The following LARP1B variants were observed in gnomAD, a reference collection of about 807,000 sequenced individuals.
LARP1B encodes La ribonucleoprotein 1B.
In LARP1B, 76 loss-of-function variants were observed where a neutral mutation model predicts 114.2. That is an observed-to-expected ratio of 0.67 (90% CI 0.55 to 0.81). The LOEUF (loss-of-function observed/expected upper bound fraction) is 0.81, where lower values mean the gene tolerates loss of function less well. Ranked by LOEUF, LARP1B falls within the 30% of genes least tolerant of loss-of-function variation. LARP1B has a pLI of 0.00. For missense variants in LARP1B, 1,014 were observed against 1,075.8 expected, an observed-to-expected ratio of 0.94 and a Z score of 0.80; for synonymous variants, 345 against 348.0, an observed-to-expected ratio of 0.99 and a Z score of 0.10.
chr4:128,191,687 AAG>A (rs747141722), intron 15 of LARP1B, among the ~76,000 whole-genome samples: 32 of 152,128 alleles, frequency 2.1e-4, no homozygotes, highest in Admixed American at 3.9e-4. Flanking sequence ...GGCTGAAATA[AAG>A]AGGAGAATTT....
chr4:128,194,079 A>G (rs537170155), intron 15 of LARP1B, among the ~76,000 whole-genome samples: 9 of 151,546 alleles, frequency 5.9e-5, no homozygotes, highest in Admixed American at 3.3e-4. Flanking sequence ...CTGTTTGACT[A>G]TTTATTTATT....
chr4:128,079,092 C>CTTTT (rs75874776), intron 4 of LARP1B, among the ~76,000 whole-genome samples: 33 of 142,280 alleles, frequency 2.3e-4, no homozygotes, highest in African/African-American at 6.7e-4. Context: ...AATAGTTTGT[C>CTTTT]TTTTTTTTTT....
chr4:128,185,634 G>A (rs1750079617), intron 15 of LARP1B, among the ~76,000 whole-genome samples: 1 of 151,700 alleles, frequency 6.6e-6, no homozygotes, highest in South Asian at 2.1e-4. Flanking sequence ...TATTCTGTAG[G>A]TTGTCTCTTC....
chr4:128,172,641 C>G (rs1744247787), intron 12 of LARP1B, among the ~76,000 whole-genome samples: 1 of 151,608 alleles, frequency 6.6e-6, no homozygotes, highest in Non-Finnish European at 1.5e-5. Context: ...TGCGGTGAGC[C>G]AAGATCAAAC....
At chr4:128,133,627 C>T (rs1792251245) in intron 11 of LARP1B, among the ~76,000 whole-genome samples, 1 of 152,208 alleles carries the variant, frequency 6.6e-6, no homozygotes, top group South Asian at 2.1e-4. Context: ...GTGGTACTGT[C>T]ATAAAGACAG....
chr4:128,069,632 G>T, intron 1 of LARP1B: 1 of 633,790 alleles, frequency 1.6e-6, no homozygotes. Context: ...CCTGATGGCT[G>T]CTGCTAGACA....
chr4:128,176,143 TTTATA>T (rs999771928), intron 12 of LARP1B, among the ~76,000 whole-genome samples: 14 of 139,090 alleles, frequency 1.0e-4, no homozygotes, highest in African/African-American at 3.7e-4. Context: ...TGTATATATA[TTTATA>T]TTATATATAT....
intron 8 of LARP1B, among the ~76,000 whole-genome samples, chr4:128,100,336 G>C (rs979689916): frequency 2.0e-5 from 3 of 151,402 alleles, no homozygotes; most frequent in Non-Finnish European, 4.4e-5. Context: ...GTTCTGGTGC[G>C]ATCTTGGCTC....
intron 15 of LARP1B, among the ~76,000 whole-genome samples, chr4:128,187,124 G>A (rs1410333014): frequency 6.6e-6 from 1 of 152,234 alleles, no homozygotes; most frequent in Non-Finnish European, 1.5e-5. Flanking sequence ...GAAATGTGGG[G>A]TTGGATCCCT....
rs1162056299 is a variant in LARP1B at position 128,074,982 on chromosome 4, G to A, written c.31G>A (p.Val11Met). The A allele has an allele frequency of 3.7e-6, 6 of 1,605,114 alleles. No homozygotes were observed. In the East Asian group the frequency reaches 1.3e-4, roughly 36 times the overall value. The change falls in exon 3 of 20, where the codon GTG (valine) becomes ATG (methionine). Residue 11 changes from valine (V) to methionine (M), a missense_variant. By Grantham distance (21) the Val-to-Met change is conservative. Transcript: ENST00000326639. MENWPTPSEL[V>M]NTGFQSVLSQ... ...GAATTGGCCAACACCAAGTGAATTA[G>A]TGAACACTGGAGTGAGTATTGTTTT...
At chr4:128,184,884 C>T (rs759904719) in intron 15 of LARP1B, among the ~76,000 whole-genome samples, 1 of 152,082 alleles carries the variant, frequency 6.6e-6, no homozygotes, top group Non-Finnish European at 1.5e-5. Flanking sequence ...TAATGACTTC[C>T]AGTTCTATGT....
At chr4:128,135,311 G>A (rs79742355) in intron 11 of LARP1B, among the ~76,000 whole-genome samples, 2 of 151,930 alleles carry the variant, frequency 1.3e-5, no homozygotes, top group African/African-American at 2.4e-5. Context: ...AGACCCTTGC[G>A]AACTCTCATG....
chr4:128,128,006 G>C (rs551524465), intron 11 of LARP1B, among the ~76,000 whole-genome samples: 1 of 152,286 alleles, frequency 6.6e-6, no homozygotes, highest in Non-Finnish European at 1.5e-5. Context: ...TGCAACAAAT[G>C]TGCCTAGACC....
rs1391584302 is a variant in LARP1B, at chr4:128,210,259, T to G, written c.*206T>G. 5 of 1,385,896 alleles carry G rather than the reference T, an allele frequency of 3.6e-6. No individual in the cohort carries two copies. The African/African-American group carries it at 5.8e-5, about 16-fold the overall frequency. The allele number at this position is 1,385,896 out of a possible 1,614,324, so 85.8% of individuals were successfully genotyped here. On this transcript the variant is annotated 3_prime_UTR_variant, in exon 20 of 20. Coordinates refer to ENST00000326639, the MANE Select transcript of LARP1B (RefSeq NM_018078.4). ...TCTAACAAGATAAATTCTAAAAATGTTTTCCCTGATTTCACAAACAAGGAT... is the reference window on the plus strand; with the variant it reads ...TCTAACAAGATAAATTCTAAAAATGGTTTCCCTGATTTCACAAACAAGGAT...
At chr4:128,103,784 A>T (rs1432085763) in intron 8 of LARP1B, among the ~76,000 whole-genome samples, 2 of 151,462 alleles carry the variant, frequency 1.3e-5, no homozygotes, top group Non-Finnish European at 2.9e-5. Context: ...CTGGTCTGGA[A>T]CTCCTGACCT....
intron 11 of LARP1B, among the ~76,000 whole-genome samples, chr4:128,141,275 G>A (rs1483694101): frequency 6.6e-6 from 1 of 152,052 alleles, no homozygotes; most frequent in Non-Finnish European, 1.5e-5. Flanking sequence ...CTTATCATTG[G>A]TATCATTGGC....
chr4:128,155,814 T>C, intron 11 of LARP1B: 2 of 1,587,780 alleles, frequency 1.3e-6, no homozygotes, highest in Non-Finnish European at 1.7e-6. Context: ...AACTGGAAGA[T>C]GAGAAATCAG....
rs1766517165 is a variant in LARP1B, at chr4:128,073,591, T to TTTTTTTTTTTTTTTTTTTTTTTTTTG, written c.-77-851_-77-850insTTTTTTTGTTTTTTTTTTTTTTTTTT. 1.4e-4 allele frequency among the ~76,000 whole-genome samples: 4 copies of TTTTTTTTTTTTTTTTTTTTTTTTTTG among 27,916 alleles called. 1 individual carries two copies. Among genetic ancestry groups the TTTTTTTTTTTTTTTTTTTTTTTTTTG allele is most frequent in the South Asian group, 2.1e-3 (1 of 480 alleles). 18.3% of individuals were successfully genotyped at this position (27,916 alleles called of 152,430 possible). A position where few individuals can be genotyped will look rare whatever the true frequency, so the allele number is the denominator to read the frequency against. On this transcript the variant is annotated intron_variant, in intron 1 of 19. Coordinates refer to ENST00000326639, the MANE Select transcript of LARP1B (RefSeq NM_018078.4). ...GTTGTCGTTTTTTTTTTTTTTTTTT[T>TTTTTTTTTTTTTTTTTTTTTTTTTTG]TTTTTTTTTTTTTTTTTTGGACAGA...
intron 1 of LARP1B, chr4:128,062,362 C>T: frequency 2.4e-6 from 2 of 818,248 alleles, no homozygotes; most frequent in Non-Finnish European, 3.0e-6. Context: ...GTAATTTGTT[C>T]CAAGGTGTCA....
Sources: gnomAD v4.1 joint callset for allele counts (sites outside exome capture counted in the v4.1 genomes callset) on GRCh38, gnomAD v4.1.1 for gene constraint, MANE v1.5 for transcripts, NCBI Gene and HGNC (gene_info 2026-07-23, HGNC 2026-07-21) for gene names.